Variants in ATP8A2 observed in about 807,000 individuals in gnomAD.
The protein encoded by ATP8A2 is phospholipid-transporting ATPase IB.
A neutral mutation model predicts 165.6 loss-of-function variants in ATP8A2; 100 were observed. That is an observed-to-expected ratio of 0.60 (90% CI 0.51 to 0.71). The LOEUF is 0.71. Among genes scored for constraint, ATP8A2 ranks in the 30% least tolerant of loss-of-function variants. ATP8A2 has a pLI of 0.00. For synonymous variants in ATP8A2, 543 were observed against 548.8 expected (o/e 0.99, Z 0.15); for missense variants, 1,227 against 1,479.5 (o/e 0.83, Z 2.80).
chr13:26,003,521 A>G lies in ATP8A2; in HGVS notation c.3378-9010A>G, dbSNP rs559451819. ...GTTTCCTTTGCTGTGCAGAAGCTCTATTGTTTGATGTCATCCCATTTGTCT... is the reference window on the plus strand; with the variant it reads ...GTTTCCTTTGCTGTGCAGAAGCTCTGTTGTTTGATGTCATCCCATTTGTCT... On this transcript the variant is annotated intron_variant, in intron 35 of 36. Transcript: ENST00000381655. Among the ~76,000 whole-genome samples, 9 of 152,010 alleles carry G rather than the reference A, an allele frequency of 5.9e-5. No individual in the cohort carries two copies. The South Asian group carries it at 8.3e-4, about 14-fold the overall frequency.
chr13:25,984,840 A>G (rs1956244049), intron 35 of ATP8A2, among the ~76,000 whole-genome samples: 1 of 152,112 alleles, frequency 6.6e-6, no homozygotes, highest in African/African-American at 2.4e-5. Context: ...AACAAACAGA[A>G]ACAAAGGAAT....
intron 24 of ATP8A2, among the ~76,000 whole-genome samples, chr13:25,637,090 C>A (rs2041386465): frequency 1.6e-4 from 5 of 30,814 alleles, no homozygotes; most frequent in Non-Finnish European, 1.7e-4. Context: ...AAGACCCTGT[C>A]TCAAAAAAAA....
At chr13:25,735,229 G>A (rs2043741799) in intron 25 of ATP8A2, among the ~76,000 whole-genome samples, 5 of 152,074 alleles carry the variant, frequency 3.3e-5, no homozygotes, top group African/African-American at 7.2e-5. Flanking sequence ...TCATATCTTC[G>A]AGGACACTGA....
chr13:25,862,218 C>A, intron 32 of ATP8A2, 83 bp from the exon 33 acceptor site: 1 of 927,088 alleles, frequency 1.1e-6, no homozygotes, highest in South Asian at 1.4e-5. Context: ...AGCTTGGATG[C>A]AAGGATTCTG....
chr13:25,984,754 C>T (rs1466605340), intron 35 of ATP8A2, among the ~76,000 whole-genome samples: 1 of 152,172 alleles, frequency 6.6e-6, no homozygotes, highest in Non-Finnish European at 1.5e-5. Flanking sequence ...AAAAGCCTCA[C>T]TTGTGAGAAC....
At chr13:25,758,947 C>T (rs59465897) in intron 25 of ATP8A2, among the ~76,000 whole-genome samples, 4 of 151,944 alleles carry the variant, frequency 2.6e-5, no homozygotes, top group Admixed American at 1.3e-4. Context: ...ACCTCCTTTC[C>T]CACCCAAGAA....
At chr13:25,385,132 C>T (rs949771198) in intron 1 of ATP8A2, among the ~76,000 whole-genome samples, 5 of 152,224 alleles carry the variant, frequency 3.3e-5, no homozygotes, top group African/African-American at 7.2e-5. Context: ...TCTTTAGGGA[C>T]CACATTAGCC....
intron 1 of ATP8A2, among the ~76,000 whole-genome samples, chr13:25,457,510 A>C (rs760961329): frequency 3.9e-5 from 6 of 152,108 alleles, no homozygotes; most frequent in Non-Finnish European, 7.4e-5. Context: ...TATTATCTCT[A>C]AAAAATTATC....
At chr13:25,869,997 G>A (rs145398093) in intron 33 of ATP8A2, among the ~76,000 whole-genome samples, 157 of 152,342 alleles carry the variant, frequency 1.0e-3, no homozygotes, top group Non-Finnish European at 2.0e-3. Context: ...CAGATCACAC[G>A]TGGGCTTGGA....
rs559677558 is a variant in ATP8A2, at chr13:25,531,219, G to GAT, written c.420+564_420+565dup. Among the ~76,000 whole-genome samples, 382 of 116,792 alleles carry GAT rather than the reference G, an allele frequency of 3.3e-3. 4 individuals are homozygous for GAT. Among genetic ancestry groups the GAT allele is most frequent in the African/African-American group, 7.5e-3 (205 of 27,364 alleles). The allele number at this position is 116,792 out of a possible 152,430, so 76.6% of individuals were successfully genotyped here. On this transcript the variant is annotated intron_variant, in intron 4 of 36. Transcript: ENST00000381655. ...GTTATATATGATATATGTTATATAT[G>GAT]ATATATGTTATATATGATATATATG...
chr13:25,926,613 T>A (rs986389404), intron 33 of ATP8A2, among the ~76,000 whole-genome samples: 5 of 152,116 alleles, frequency 3.3e-5, no homozygotes, highest in Admixed American at 6.5e-5. Flanking sequence ...ATGCAACAGA[T>A]CATGGGGATT....
intron 1 of ATP8A2, among the ~76,000 whole-genome samples, chr13:25,438,256 A>G (rs1189149172): frequency 6.6e-6 from 1 of 152,210 alleles, no homozygotes; most frequent in East Asian, 1.9e-4. Flanking sequence ...TTTTCAAAAA[A>G]GCTTTAAAAT....
At chr13:25,428,107 C>T (rs1418881173) in intron 1 of ATP8A2, among the ~76,000 whole-genome samples, 1 of 152,042 alleles carries the variant, frequency 6.6e-6, no homozygotes, top group Non-Finnish European at 1.5e-5. Flanking sequence ...TCGCTTGAAC[C>T]TGGGAGGTTG....
At chr13:25,566,722 T>G (rs2039325349) in intron 16 of ATP8A2, among the ~76,000 whole-genome samples, 1 of 152,238 alleles carries the variant, frequency 6.6e-6, no homozygotes, top group Non-Finnish European at 1.5e-5. Context: ...CATCAGAGAC[T>G]CATTTATTTA....
intron 33 of ATP8A2, among the ~76,000 whole-genome samples, chr13:25,912,075 T>C (rs1257946680): frequency 6.6e-6 from 1 of 151,746 alleles, no homozygotes; most frequent in African/African-American, 2.4e-5. Flanking sequence ...CCCAAATTAA[T>C]TGCAACACTA....
chr13:25,898,886 G>T (rs1953649779), intron 33 of ATP8A2, among the ~76,000 whole-genome samples: 2 of 152,310 alleles, frequency 1.3e-5, no homozygotes, highest in Non-Finnish European at 2.9e-5. Flanking sequence ...GAAAAGCGCA[G>T]TATTAGGGTG....
intron 21 of ATP8A2, 78 bp downstream of exon 21, chr13:25,578,977 C>A: frequency 1.0e-6 from 1 of 1,000,858 alleles, no homozygotes; most frequent in Non-Finnish European, 1.6e-6. Context: ...TCCAGGGGCA[C>A]ATTCTTCCAG....
At chr13:25,543,775 T>C (rs1026775117) in intron 10 of ATP8A2, among the ~76,000 whole-genome samples, 4 of 152,254 alleles carry the variant, frequency 2.6e-5, no homozygotes, top group African/African-American at 7.2e-5. Context: ...AACTGAACTT[T>C]AGAGACTTTA....
In ATP8A2 at chr13:25,702,994, T is replaced by C. The variant is rs1272894207; in HGVS notation, c.2384+3649T>C. Among the ~76,000 whole-genome samples, 3 of 152,176 alleles carry C rather than the reference T, an allele frequency of 2.0e-5. No homozygotes were observed. In the East Asian group the frequency reaches 5.8e-4, roughly 29 times the overall value. Reference sequence around the variant, plus strand: ...CCCCGTGTGCCTTCCATTTAATGTGTCGGATGGCCTCATTCATCTTATACA... The same window carrying C: ...CCCCGTGTGCCTTCCATTTAATGTGCCGGATGGCCTCATTCATCTTATACA... On this transcript the variant is annotated intron_variant, in intron 25 of 36. Coordinates refer to ENST00000381655, the MANE Select transcript of ATP8A2 (RefSeq NM_016529.6).
Sources: allele counts gnomAD v4.1 joint callset (sites outside exome capture counted in the v4.1 genomes callset), GRCh38; gene constraint gnomAD v4.1.1; transcripts MANE v1.5; gene names NCBI Gene and HGNC (gene_info 2026-07-23, HGNC 2026-07-21).